Variants in CEP128 observed in about 807,000 individuals in gnomAD.
CEP128 encodes the protein centrosomal protein 128, also known as centrosomal protein 128kDa.
CEP128 carries 132 observed loss-of-function variants against 156.7 expected under a neutral mutation model. The observed-to-expected ratio is 0.84, with a 90% CI of 0.73 to 0.97. The LOEUF (loss-of-function observed/expected upper bound fraction) is 0.97, where lower values mean the gene tolerates loss of function less well. CEP128 is among the 50% of genes least tolerant of loss of function. The pLI is 0.00. For missense variants in CEP128, 1,252 were observed against 1,281.9 expected (o/e 0.98, Z 0.36); for synonymous variants, 469 against 448.9 (o/e 1.04, Z -0.57).
chr14:80,554,847 T>C (rs1005850614), intron 21 of CEP128, among the ~76,000 whole-genome samples: 3 of 152,108 alleles, frequency 2.0e-5, no homozygotes, highest in Non-Finnish European at 2.9e-5. Flanking sequence ...CTTTAGGTTT[T>C]ACTCTTTTAA....
chr14:80,714,957 G>C (rs1897549134), intron 19 of CEP128, among the ~76,000 whole-genome samples: 1 of 152,042 alleles, frequency 6.6e-6, no homozygotes, highest in Admixed American at 6.6e-5. Context: ...TATAGGCCAG[G>C]CATGTCTGTA....
chr14:80,927,456 C>G (rs922400153), intron 2 of CEP128, among the ~76,000 whole-genome samples: 1 of 152,196 alleles, frequency 6.6e-6, no homozygotes, highest in African/African-American at 2.4e-5. Flanking sequence ...TTCCATAACA[C>G]TTCAGGGTGA....
chr14:80,751,771 A>G (rs1158235820), intron 18 of CEP128, among the ~76,000 whole-genome samples: 2 of 151,942 alleles, frequency 1.3e-5, no homozygotes, highest in East Asian at 1.9e-4. Flanking sequence ...CTGGGATTAC[A>G]GGCTCCCGCT....
chr14:80,552,087 A>G (rs1423639342), intron 21 of CEP128, among the ~76,000 whole-genome samples: 1 of 152,088 alleles, frequency 6.6e-6, no homozygotes, highest in African/African-American at 2.4e-5. Context: ...GAAAGGTAAG[A>G]TGTCATTTCA....
At chr14:80,799,382 G>A (rs1351917452) in intron 13 of CEP128, among the ~76,000 whole-genome samples, 2 of 152,150 alleles carry the variant, frequency 1.3e-5, no homozygotes, top group Admixed American at 6.5e-5. Flanking sequence ...TGTGATAATT[G>A]TGTTAAGCGT....
At chr14:80,893,079 G>A (rs1889179813) in intron 8 of CEP128, among the ~76,000 whole-genome samples, 1 of 151,870 alleles carries the variant, frequency 6.6e-6, no homozygotes, top group African/African-American at 2.4e-5. Context: ...CAACCTAAGT[G>A]TCTGTTGATA....
chr14:80,802,728 T>C (rs1340263723), intron 13 of CEP128, among the ~76,000 whole-genome samples: 1 of 152,016 alleles, frequency 6.6e-6, no homozygotes, highest in Admixed American at 6.6e-5. Context: ...GATACTGAAA[T>C]CCAGTTTAAG....
chr14:80,753,542 G>C (rs1209110322), intron 18 of CEP128, among the ~76,000 whole-genome samples: 1 of 152,292 alleles, frequency 6.6e-6, no homozygotes, highest in East Asian at 1.9e-4. Flanking sequence ...ATTATCTCTA[G>C]TATGTGAGTC....
At chr14:80,635,720 T>G (rs1005911133) in intron 19 of CEP128, among the ~76,000 whole-genome samples, 2 of 152,206 alleles carry the variant, frequency 1.3e-5, no homozygotes, top group African/African-American at 4.8e-5. Context: ...CTTGTTAGTT[T>G]CCTCCTAAAG....
intron 24 of CEP128, among the ~76,000 whole-genome samples, chr14:80,501,433 T>C (rs1887728523): frequency 6.6e-6 from 1 of 152,326 alleles, no homozygotes; most frequent in South Asian, 2.1e-4. Context: ...GAATTTTATA[T>C]AATGGAATAA....
intron 9 of CEP128, among the ~76,000 whole-genome samples, chr14:80,845,452 T>G (rs1220875055): frequency 6.6e-6 from 1 of 152,096 alleles, no homozygotes; most frequent in South Asian, 2.1e-4. Context: ...TTTATCCGAG[T>G]AGTTTCCTCT....
In CEP128 at chr14:80,814,777, G is replaced by A. The variant is rs1789558377; in HGVS notation, c.1209+16366C>T. ...ACTTAATTAAATTCAAAAGCTTCTG[G>A]GCCAGGCGCGGTGGCTCATGCCTGT... On this transcript the variant is annotated intron_variant, in intron 13 of 24. Transcript: ENST00000555265. Among the ~76,000 whole-genome samples the A allele has an allele frequency of 2.0e-5, 3 of 152,122 alleles. No individual in the cohort carries two copies. The South Asian group carries it at 6.2e-4, about 32-fold the overall frequency.
chr14:80,840,734 T>A lies in CEP128; in HGVS notation c.797A>T (p.His266Leu). 6.2e-7 allele frequency: 1 copy of A among 1,611,464 alleles called. No homozygotes were observed. The highest frequency in any genetic ancestry group is 1.7e-4 in the Middle Eastern group (1 of 6,056). ...TAGCTTATTTTTTATTGCCCCCTCA[T>A]GCTCATCTGCTTTAGCTTCTTGTTT... ...LKKQEAKADEHEGAIKNKLRQ... is the reference protein window; with the variant it reads ...LKKQEAKADELEGAIKNKLRQ... Residue 266 changes from histidine (H) to leucine (L), a missense_variant, in exon 10 of 25, where the codon CAT becomes CTT. Physicochemically the swap from His to Leu is moderately conservative, Grantham distance 99. Transcript: ENST00000555265.
chr14:80,541,452 A>AAC (rs1477765039), intron 21 of CEP128, among the ~76,000 whole-genome samples: 1 of 150,156 alleles, frequency 6.7e-6, no homozygotes, highest in East Asian at 1.9e-4. Flanking sequence ...TTAAAAAAAA[A>AAC]AAAAAAAAAA....
At chr14:80,627,582 C>T (rs1893782924) in intron 19 of CEP128, among the ~76,000 whole-genome samples, 1 of 151,850 alleles carries the variant, frequency 6.6e-6, no homozygotes, top group Non-Finnish European at 1.5e-5. Context: ...AGATATACTG[C>T]TAATAAGGTC....
At chr14:80,607,058 CAT>C (rs1200932337) in intron 19 of CEP128, among the ~76,000 whole-genome samples, 3 of 151,180 alleles carry the variant, frequency 2.0e-5, no homozygotes, top group East Asian at 3.9e-4. Flanking sequence ...CATATATGTA[CAT>C]ATATGTGTGC....
chr14:80,735,634 C>A (rs536970919), intron 19 of CEP128, among the ~76,000 whole-genome samples: 39 of 152,208 alleles, frequency 2.6e-4, no homozygotes, highest in Admixed American at 7.2e-4. Context: ...TAACAAATTC[C>A]CACAAACTTA....
chr14:80,599,713 C>T (rs2140524546), intron 19 of CEP128, among the ~76,000 whole-genome samples: 1 of 151,898 alleles, frequency 6.6e-6, no homozygotes, highest in Middle Eastern at 3.4e-3. Context: ...AGAATTAATA[C>T]TCAAACACCT....
At chr14:80,627,876 T>A (rs1251721968) in intron 19 of CEP128, among the ~76,000 whole-genome samples, 1 of 152,124 alleles carries the variant, frequency 6.6e-6, no homozygotes, top group African/African-American at 2.4e-5. Flanking sequence ...CTCATTGGGC[T>A]ATAAAATGAA....
Sources: gnomAD v4.1 joint callset for allele counts (sites outside exome capture counted in the v4.1 genomes callset) on GRCh38, gnomAD v4.1.1 for gene constraint, MANE v1.5 for transcripts, NCBI Gene and HGNC (gene_info 2026-07-23, HGNC 2026-07-21) for gene names.